UXS1: variants seen among roughly 807,000 people sequenced by gnomAD.
UXS1 encodes the protein UDP-glucuronic acid decarboxylase 1.
UXS1 carries 33 observed loss-of-function variants against 62.6 expected under a neutral mutation model. The observed-to-expected ratio is 0.53, with a 90% CI of 0.40 to 0.70. UXS1 has a LOEUF of 0.70. Among genes scored for constraint, UXS1 ranks in the 30% least tolerant of loss-of-function variants. The pLI is 0.00. For synonymous variants in UXS1, 213 were observed against 206.8 expected, an observed-to-expected ratio of 1.03 and a Z score of -0.26; for missense variants, 434 against 556.3, an observed-to-expected ratio of 0.78 and a Z score of 2.21.
In UXS1 at chr2:106,170,836, C is replaced by T. The variant is rs866188270; in HGVS notation, c.95-4753G>A. Among the ~76,000 whole-genome samples, 8 of 152,332 alleles carry T rather than the reference C, an allele frequency of 5.3e-5. No homozygotes were observed. The South Asian group carries it at 1.7e-3, about 32-fold the overall frequency. On this transcript the variant is annotated intron_variant, in intron 1 of 14. Transcript: ENST00000283148. ...TAAACATTACTTTAAATTAATATTG[C>T]TTTTAAGTTTTTGCAACCTGCTTGA... is the stretch of plus-strand genomic sequence containing the variant.
intron 1 of UXS1, among the ~76,000 whole-genome samples, chr2:106,169,752 C>T: frequency 6.6e-6 from 1 of 152,216 alleles, no homozygotes; most frequent in East Asian, 1.9e-4. Context: ...GTCCATTTCA[C>T]AGCAGTGAAG....
intron 10 of UXS1, among the ~76,000 whole-genome samples, chr2:106,112,225 T>C (rs528649627): frequency 8.5e-5 from 13 of 152,338 alleles, no homozygotes; most frequent in African/African-American, 2.4e-4. Flanking sequence ...ACCGAGGGCC[T>C]GCCGGCATTG....
intron 6 of UXS1, among the ~76,000 whole-genome samples, chr2:106,142,381 G>T (rs1441760902): frequency 6.6e-6 from 1 of 152,082 alleles, no homozygotes; most frequent in Non-Finnish European, 1.5e-5. Context: ...TTAGTTCAAA[G>T]TATGTTTAAT....
At chr2:106,126,318 CCAGTGTACAGTGGTTCACTA>C (rs971009461) in intron 7 of UXS1, among the ~76,000 whole-genome samples, 2 of 152,138 alleles carry the variant, frequency 1.3e-5, no homozygotes, top group African/African-American at 4.8e-5. Context: ...TCACAGAGTC[CCAGTGTACAGTGGTTCACTA>C]CAGGATCCAA....
At chr2:106,094,244 AG>A in intron 14 of UXS1, 87 bp from the exon 15 acceptor site, 1 of 1,596,394 alleles carries the variant, frequency 6.3e-7, no homozygotes, top group East Asian at 2.3e-5. Context: ...GCAGGAAGGA[AG>A]TGCCACCTTG....
At chr2:106,107,045 C>A (rs557406183) in intron 10 of UXS1, among the ~76,000 whole-genome samples, 1 of 152,276 alleles carries the variant, frequency 6.6e-6, no homozygotes, top group African/African-American at 2.4e-5. Flanking sequence ...TCTCCAACCT[C>A]ACTGTAGTGA....
intron 9 of UXS1, among the ~76,000 whole-genome samples, chr2:106,117,946 G>A (rs1433988177): frequency 6.6e-6 from 1 of 152,256 alleles, no homozygotes; most frequent in Admixed American, 6.5e-5. Flanking sequence ...GGGTCCAGGA[G>A]GGGTGTGTCT....
intron 1 of UXS1, among the ~76,000 whole-genome samples, chr2:106,190,187 G>A (rs533587817): frequency 6.6e-6 from 1 of 152,280 alleles, no homozygotes; most frequent in South Asian, 2.1e-4. Context: ...CCAATTATTC[G>A]CTGGAGAAAA....
At chr2:106,143,403 C>A (rs1292932985) in intron 6 of UXS1, among the ~76,000 whole-genome samples, 4 of 26,528 alleles carry the variant, frequency 1.5e-4, no homozygotes, top group Admixed American at 1.4e-3. Context: ...AGAGAGACTC[C>A]GTCTCAAAAA....
At chr2:106,183,240 T>TTAAAA (rs1447206184) in intron 1 of UXS1, among the ~76,000 whole-genome samples, 1 of 135,952 alleles carries the variant, frequency 7.4e-6, no homozygotes, top group African/African-American at 2.7e-5. Flanking sequence ...AAGTCTTTTT[T>TTAAAA]AAAAAAAAAA....
At chr2:106,101,156 TG>T (rs755439090) in intron 11 of UXS1, 38 bp from the exon 12 acceptor site, 1 of 1,610,902 alleles carries the variant, frequency 6.2e-7, no homozygotes, top group Non-Finnish European at 8.5e-7. Context: ...CTCTGCCTGC[TG>T]GAATATGCTA....
intron 4 of UXS1, 113 bp from the exon 5 acceptor site, chr2:106,158,231 C>A: frequency 1.1e-6 from 1 of 899,304 alleles, no homozygotes; most frequent in Non-Finnish European, 1.7e-6. Flanking sequence ...GTTTGCTCTT[C>A]TCTCCACTCT....
At chr2:106,115,385 C>A (rs1401336169) in intron 9 of UXS1, among the ~76,000 whole-genome samples, 1 of 152,230 alleles carries the variant, frequency 6.6e-6, no homozygotes, top group Non-Finnish European at 1.5e-5. Context: ...AGTGGTCAGG[C>A]CCTGCTGACA....
At chr2:106,187,308 G>A (rs903731986) in intron 1 of UXS1, among the ~76,000 whole-genome samples, 5 of 152,124 alleles carry the variant, frequency 3.3e-5, no homozygotes, top group Admixed American at 6.5e-5. Context: ...CTGATCTCAC[G>A]CTCGGGTCAG....
chr2:106,099,532 CG>C (rs770918598), intron 12 of UXS1, among the ~76,000 whole-genome samples: 12 of 152,082 alleles, frequency 7.9e-5, no homozygotes, highest in Non-Finnish European at 1.6e-4. Flanking sequence ...GGATGACTAG[CG>C]AAGTGGAGTG....
intron 6 of UXS1, among the ~76,000 whole-genome samples, chr2:106,143,333 C>G (rs1354931347): frequency 7.6e-6 from 1 of 131,730 alleles, no homozygotes; most frequent in East Asian, 2.4e-4. Flanking sequence ...GGCGTGAACC[C>G]GGGAGGCAGA....
chr2:106,129,579 A>C, intron 7 of UXS1, 95 bp downstream of exon 7: 1 of 1,056,414 alleles, frequency 9.5e-7, no homozygotes, highest in African/African-American at 1.6e-5. Flanking sequence ...GAACACACTC[A>C]GATCAAACTC....
chr2:106,176,353 A>G (rs1052470159), intron 1 of UXS1, among the ~76,000 whole-genome samples: 16 of 152,266 alleles, frequency 1.1e-4, no homozygotes, highest in African/African-American at 1.7e-4. Flanking sequence ...CTTAAAGCAG[A>G]TAAGAATATG....
chr2:106,093,377 T>C lies in UXS1; in HGVS notation c.*649A>G, dbSNP rs1676815576. The C allele has an allele frequency of 6.6e-6, 1 of 152,448 alleles. No individual in the cohort carries two copies. Among genetic ancestry groups the C allele is most frequent in the Non-Finnish European group, 1.5e-5 (1 of 68,154 alleles). 9.4% of individuals were successfully genotyped at this position (152,448 alleles called of 1,614,324 possible). A position where few individuals can be genotyped will look rare whatever the true frequency, so the allele number is the denominator to read the frequency against. On this transcript the variant is annotated 3_prime_UTR_variant, in exon 15 of 15. Transcript: ENST00000283148. ...TGGTTAACCAAGAATATGTTAACTT[T>C]GTGCCCCCCAACCTGCCCCCGCCCC...
Sources: allele counts gnomAD v4.1 joint callset (sites outside exome capture counted in the v4.1 genomes callset), GRCh38; gene constraint gnomAD v4.1.1; transcripts MANE v1.5; gene names NCBI Gene and HGNC (gene_info 2026-07-23, HGNC 2026-07-21).